Variants in GPHN observed in about 807,000 individuals in gnomAD.
GPHN encodes the protein gephyrin.
Under a neutral mutation model 95.5 loss-of-function variants are expected in GPHN, and 17 were observed. The ratio of observed to expected loss-of-function variants is 0.18; its 90% confidence interval spans 0.12 to 0.27. GPHN has a LOEUF of 0.27. Ranked by LOEUF, GPHN falls within the 10% of genes least tolerant of loss-of-function variation. GPHN has a pLI of 1.00. For synonymous variants in GPHN, 320 were observed against 322.5 expected, an observed-to-expected ratio of 0.99 and a Z score of 0.08; for missense variants, 660 against 978.1, an observed-to-expected ratio of 0.67 and a Z score of 4.34.
chr14:67,457,084 A>C, the GPHN span, among the ~76,000 whole-genome samples: 1 of 152,202 alleles, frequency 6.6e-6, no homozygotes, highest in Non-Finnish European at 1.5e-5. Context: ...CACTGAGTAC[A>C]CATGGACATA....
chr14:67,261,798 T>C, the GPHN span, among the ~76,000 whole-genome samples: 1 of 152,088 alleles, frequency 6.6e-6, no homozygotes, highest in Non-Finnish European at 1.5e-5. Context: ...GCAATAGATA[T>C]CTTGTTACCA....
At chr14:67,443,698 T>C in the GPHN span, among the ~76,000 whole-genome samples, 2 of 150,966 alleles carry the variant, frequency 1.3e-5, no homozygotes, top group African/African-American at 4.9e-5. Flanking sequence ...AGGCCAGGGG[T>C]TCAAGGCTAT....
At chr14:66,834,482 C>T (rs2061711865) in intron 4 of GPHN, among the ~76,000 whole-genome samples, 1 of 152,098 alleles carries the variant, frequency 6.6e-6, no homozygotes. Flanking sequence ...TGAATTTTCT[C>T]AAAGGCCTTT....
At chr14:67,101,091 T>C (rs573046256) in intron 13 of GPHN, among the ~76,000 whole-genome samples, 180 bp downstream of exon 13, 12 of 152,344 alleles carry the variant, frequency 7.9e-5, no homozygotes, top group Non-Finnish European at 1.6e-4. Context: ...ATTGAAAGTA[T>C]CTACATCTAT....
chr14:67,009,351 T>C (rs1355654831), intron 9 of GPHN, among the ~76,000 whole-genome samples: 3 of 152,170 alleles, frequency 2.0e-5, no homozygotes, highest in Non-Finnish European at 4.4e-5. Context: ...CACAGGAATA[T>C]AGGAGAGGTA....
chr14:67,575,739 C>A, the GPHN span: 1 of 1,024,868 alleles, frequency 9.8e-7, no homozygotes. Flanking sequence ...CGATTCCCAG[C>A]TTCACGGAGC....
the GPHN span, chr14:67,587,940 C>T: frequency 6.6e-6 from 1 of 152,668 alleles, no homozygotes; most frequent in Non-Finnish European, 1.5e-5. Flanking sequence ...TTCCAATTCT[C>T]CTACACTCTG....
the GPHN span, among the ~76,000 whole-genome samples, chr14:67,444,255 C>T: frequency 2.0e-5 from 3 of 152,190 alleles, no homozygotes; most frequent in Non-Finnish European, 4.4e-5. Flanking sequence ...CATGGGCATG[C>T]ATCCTCAACT....
Position 66,732,085 on chromosome 14 carries a change from G to T in GPHN, c.144-44379G>T, listed in dbSNP as rs540386444. 5.3e-5 allele frequency among the ~76,000 whole-genome samples: 8 copies of T among 152,306 alleles called. No homozygotes were observed. In the East Asian group the frequency reaches 1.4e-3, roughly 26 times the overall value. On this transcript the variant is annotated intron_variant, in intron 2 of 22. Coordinates refer to ENST00000478722, the MANE Select transcript of GPHN (RefSeq NM_020806.5). ...ACCTGGATGTCCAGGCAGAAGTCGG[G>T]TTTAGGGGCAGAGCCCTCACAGAGA...
At chr14:67,568,383 G>A in the GPHN span, among the ~76,000 whole-genome samples, 2 of 152,082 alleles carry the variant, frequency 1.3e-5, no homozygotes, top group African/African-American at 2.4e-5. Context: ...CTTACAAGTG[G>A]GAGCTGGACA....
chr14:67,230,933 C>T, the GPHN span, among the ~76,000 whole-genome samples: 2 of 152,344 alleles, frequency 1.3e-5, no homozygotes, highest in Admixed American at 6.5e-5. Flanking sequence ...TGAAATCTCA[C>T]ACCATCCCAC....
chr14:67,444,415 T>A, the GPHN span, among the ~76,000 whole-genome samples: 1 of 152,222 alleles, frequency 6.6e-6, no homozygotes, highest in Non-Finnish European at 1.5e-5. Flanking sequence ...ATTCAGAGCA[T>A]GTTTTTCAGC....
In GPHN at chr14:66,508,326, G is replaced by T; in HGVS notation, c.-202G>T. On this transcript the variant is annotated 5_prime_UTR_variant, in exon 1 of 23. Transcript: ENST00000478722. ...GCGCGCCCTGACTCCTTCCCCTCCC[G>T]CGGACCCGCGCACTCCCGGCGCGGC... is the stretch of plus-strand genomic sequence containing the variant. The T allele has an allele frequency of 1.7e-6, 1 of 601,032 alleles. No homozygotes were observed. The allele number at this position is 601,032 out of a possible 1,614,324, so 37.2% of individuals were successfully genotyped here. A position where few individuals can be genotyped will look rare whatever the true frequency, so the allele number is the denominator to read the frequency against.
At chr14:67,348,995 CTCT>C in the GPHN span, 1 of 1,578,864 alleles carries the variant, frequency 6.3e-7, no homozygotes, top group African/African-American at 1.4e-5. Flanking sequence ...AAAATGTCAC[CTCT>C]TTTCTCCCCA....
At chr14:67,132,884 A>G (rs1038719300) in intron 17 of GPHN, among the ~76,000 whole-genome samples, 1 of 150,878 alleles carries the variant, frequency 6.6e-6, no homozygotes, top group Admixed American at 6.6e-5. Flanking sequence ...ATATTTTTTC[A>G]TTTTAATTAA....
At chr14:67,525,359 T>C in the GPHN span, among the ~76,000 whole-genome samples, 1 of 152,256 alleles carries the variant, frequency 6.6e-6, no homozygotes, top group Non-Finnish European at 1.5e-5. Context: ...TAATTCTTCA[T>C]CATACATTTT....
chr14:67,049,748 T>G (rs61990910), intron 10 of GPHN, among the ~76,000 whole-genome samples: 9 of 152,154 alleles, frequency 5.9e-5, no homozygotes, highest in Non-Finnish European at 1.2e-4. Context: ...TTTGACCTCG[T>G]GATCCGCCCA....
the GPHN span, among the ~76,000 whole-genome samples, chr14:67,532,456 A>G: frequency 9.2e-5 from 14 of 152,104 alleles, no homozygotes; most frequent in African/African-American, 1.4e-4. Flanking sequence ...GAGTTTTCCA[A>G]CCCCTCTGGG....
At chr14:66,742,369 T>C (rs941765004) in intron 2 of GPHN, among the ~76,000 whole-genome samples, 4 of 152,352 alleles carry the variant, frequency 2.6e-5, no homozygotes, top group African/African-American at 9.6e-5. Flanking sequence ...GATATCTTCT[T>C]TTAATGGATA....
Sources: allele counts gnomAD v4.1 joint callset (sites outside exome capture counted in the v4.1 genomes callset), GRCh38; gene constraint gnomAD v4.1.1; transcripts MANE v1.5; gene names NCBI Gene and HGNC (gene_info 2026-07-23, HGNC 2026-07-21).